The following SLC12A7 variants were observed in gnomAD, a reference collection of about 807,000 sequenced individuals.
SLC12A7 encodes the protein solute carrier family 12 member 7.
SLC12A7 carries 100 observed loss-of-function variants against 120.6 expected under a neutral mutation model. The ratio of observed to expected loss-of-function variants is 0.83; its 90% CI spans 0.71 to 0.98. The LOEUF (loss-of-function observed/expected upper bound fraction) is 0.98. SLC12A7 is among the 50% of genes least tolerant of loss of function. The pLI is 0.00. For missense variants in SLC12A7, 1,373 were observed against 1,548.1 expected, an observed-to-expected ratio of 0.89 and a Z score of 1.90; for synonymous variants, 760 against 678.0, an observed-to-expected ratio of 1.12 and a Z score of -1.88.
At chr5:1,078,634 GA>G in intron 11 of SLC12A7, 66 bp downstream of exon 11, 1 of 1,331,930 alleles carries the variant, frequency 7.5e-7, no homozygotes, top group African/African-American at 1.4e-5. Context: ...TTTCAAAGCC[GA>G]ATTCATCCTC....
At chr5:1,064,557 C>G (rs1205705357) in intron 18 of SLC12A7, among the ~76,000 whole-genome samples, 2 of 152,280 alleles carry the variant, frequency 1.3e-5, no homozygotes, top group Non-Finnish European at 2.9e-5. Flanking sequence ...TCAGAGCACA[C>G]ACCCTCGGGT....
In SLC12A7 at chr5:1,077,805, GT is replaced by G. The variant is rs1478174704; in HGVS notation, c.1629+27del. On this transcript the variant is annotated intron_variant, in intron 12 of 23. Transcript: ENST00000264930. ...GAGCCCCCGACCCTGACCTTCCAGG[GT>G]CCCCCCGACGAGGGTGCGGGACTCA... is the stretch of plus-strand genomic sequence containing the variant. The G allele has an allele frequency of 1.9e-6, 3 of 1,540,866 alleles. No individual in the cohort carries two copies. The African/African-American group carries it at 4.1e-5, about 21-fold the overall frequency.
intron 16 of SLC12A7, 132 bp downstream of exon 16, chr5:1,074,435 T>G: frequency 1.3e-6 from 1 of 781,906 alleles, no homozygotes; most frequent in Non-Finnish European, 2.0e-6. Flanking sequence ...CCAGGCAGTG[T>G]TCACACCCCA....
chr5:1,144,885 A>T, the SLC12A7 span, among the ~76,000 whole-genome samples: 1 of 152,264 alleles, frequency 6.6e-6, no homozygotes, highest in South Asian at 2.1e-4. Context: ...GATGACACCA[A>T]TGTGGCTTTA....
chr5:1,078,704 T>C lies in SLC12A7; in HGVS notation c.1451A>G (p.Asp484Gly). The C allele has an allele frequency of 1.2e-6, 2 of 1,611,868 alleles. No individual in the cohort carries two copies. Among genetic ancestry groups the C allele is most frequent in the Non-Finnish European group, 1.7e-6 (2 of 1,179,416 alleles). Reference protein sequence around the residue: ...GACIEGVVLRDKFGEALQGNL... With the variant: ...GACIEGVVLRGKFGEALQGNL... ...AAAACTGCAGGTGGAAACGTACTTATCTCGTAAGACCACGCCTTCAATGCA... is the reference window on the plus strand; with the variant it reads ...AAAACTGCAGGTGGAAACGTACTTACCTCGTAAGACCACGCCTTCAATGCA... Residue 484 changes from aspartate (D) to glycine (G), a missense_variant, in exon 11 of 24, where the codon GAT (aspartate) becomes GGT (glycine). Asp to Gly is a moderately conservative substitution (Grantham distance 94, BLOSUM62 -1). Transcript: ENST00000264930.
chr5:1,123,774 G>A, the SLC12A7 span, among the ~76,000 whole-genome samples: 3 of 152,244 alleles, frequency 2.0e-5, no homozygotes, highest in Non-Finnish European at 4.4e-5. Context: ...GAAGGTTTAA[G>A]CTTCAAATTT....
the SLC12A7 span, among the ~76,000 whole-genome samples, chr5:1,117,408 G>A: frequency 2.6e-5 from 4 of 152,192 alleles, no homozygotes; most frequent in African/African-American, 4.8e-5. The surrounding 1 kb of genome is among the most constrained non-coding windows in gnomAD (Gnocchi z 4.5). Flanking sequence ...AACTTTGGGA[G>A]GAACTTAGTT....
At chr5:1,154,404 A>T in the SLC12A7 span, among the ~76,000 whole-genome samples, 1 of 145,886 alleles carries the variant, frequency 6.9e-6, no homozygotes, top group Non-Finnish European at 1.5e-5. Context: ...GACACATACA[A>T]TGCACCACAC....
chr5:1,089,164 C>A, intron 3 of SLC12A7, 36 bp from the exon 4 acceptor site: 1 of 1,602,508 alleles, frequency 6.2e-7, no homozygotes, highest in Non-Finnish European at 8.5e-7. Flanking sequence ...GGGGCTCGTA[C>A]CCCACACCCA....
At chr5:1,126,815 A>G in the SLC12A7 span, among the ~76,000 whole-genome samples, 1 of 152,364 alleles carries the variant, frequency 6.6e-6, no homozygotes, top group East Asian at 1.9e-4. Flanking sequence ...AACCGTGCTT[A>G]AGGGACGAGT....
intron 17 of SLC12A7, among the ~76,000 whole-genome samples, chr5:1,070,007 CCCCAGCACACGGGCA>C (rs1737505945): frequency 3.0e-5 from 2 of 66,660 alleles, no homozygotes. Flanking sequence ...CCCAGTGAGC[CCCCAGCACACGGGCA>C]TCACACTTAT....
Position 1,085,326 on chromosome 5 carries a change from T to C in SLC12A7, c.823A>G (p.Lys275Glu). The C allele has an allele frequency of 6.2e-7, 1 of 1,612,466 alleles. No homozygotes were observed. The highest frequency in any genetic ancestry group is 8.5e-7 in the Non-Finnish European group (1 of 1,179,812). Residue 275 changes from lysine to glutamate, a missense_variant, in exon 7 of 24, where the codon AAG (lysine) becomes GAG (glutamate). By Grantham distance (56) the Lys-to-Glu change is moderately conservative. Coordinates refer to ENST00000264930, the MANE Select transcript of SLC12A7 (RefSeq NM_006598.3). ...VVFVGVKYVN[K>E]LALVFLACVV... ...CAGGCCAGGAAGACCAGCGCCAGCT[T>C]GTTGACATACTTGACGCCCACGAAG... is the stretch of plus-strand genomic sequence containing the variant.
chr5:1,116,454 G>A (rs1244543991), upstream of SLC12A7, among the ~76,000 whole-genome samples: 1 of 152,188 alleles, frequency 6.6e-6, no homozygotes, highest in Non-Finnish European at 1.5e-5. Flanking sequence ...GAATAGAAGG[G>A]GCCTCCCCTC....
chr5:1,088,180 G>A, intron 5 of SLC12A7, 126 bp downstream of exon 5: 1 of 853,318 alleles, frequency 1.2e-6, no homozygotes. Flanking sequence ...CACGCAGAAG[G>A]CCCGGCTGAG....
chr5:1,117,262 C>T, the SLC12A7 span, among the ~76,000 whole-genome samples: 1 of 151,986 alleles, frequency 6.6e-6, no homozygotes, highest in Non-Finnish European at 1.5e-5. The surrounding 1 kb of genome is among the most constrained non-coding windows in gnomAD (Gnocchi z 4.5). Context: ...TCCTACCAGC[C>T]CGAGATGGAG....
chr5:1,081,532 G>C lies in SLC12A7; in HGVS notation c.1297+45C>G, dbSNP rs1399530784. On this transcript the variant is annotated intron_variant, in intron 9 of 23. Coordinates refer to ENST00000264930, the MANE Select transcript of SLC12A7 (RefSeq NM_006598.3). ...GCAAGACCTTGCCTCAAAAAAGAGA[G>C]GGAGAGAAAGAAAGAGAAGGGGAAG... 7.0e-6 allele frequency: 11 copies of C among 1,573,482 alleles called. No homozygotes were observed. In the East Asian group the frequency reaches 2.5e-4, roughly 36 times the overall value.
intron 1 of SLC12A7, among the ~76,000 whole-genome samples, chr5:1,109,582 G>A (rs1278357300): frequency 6.6e-6 from 1 of 152,220 alleles, no homozygotes; most frequent in African/African-American, 2.4e-5. Flanking sequence ...GGGGACAGAA[G>A]GCCCCTGGAG....
At chr5:1,074,907 C>T (rs137930679) in intron 15 of SLC12A7, among the ~76,000 whole-genome samples, 2 of 151,894 alleles carry the variant, frequency 1.3e-5, no homozygotes, top group Non-Finnish European at 2.9e-5. Flanking sequence ...GTCCAGCATG[C>T]GTGAGGTGCC....
chr5:1,056,773 G>A (rs1470427838), intron 22 of SLC12A7, among the ~76,000 whole-genome samples: 1 of 152,202 alleles, frequency 6.6e-6, no homozygotes, highest in Non-Finnish European at 1.5e-5. Flanking sequence ...CGGGTGAGAG[G>A]TGTCTCTTGC....
Sources: gnomAD v4.1 joint callset for allele counts (sites outside exome capture counted in the v4.1 genomes callset) on GRCh38, gnomAD v4.1.1 for gene constraint, Gnocchi (gnomAD v3.1) non-coding constraint, MANE v1.5 for transcripts, NCBI Gene and HGNC (gene_info 2026-07-23, HGNC 2026-07-21) for gene names.